PGCKA1: variants seen among roughly 807,000 people sequenced by gnomAD.
The protein encoded by PGCKA1 is PDCD10 and GCKIII kinases-associated protein 1.
At chr4:37,583,600 C>G in the PGCKA1 span, among the ~76,000 whole-genome samples, 1 of 151,970 alleles carries the variant, frequency 6.6e-6, no homozygotes, top group Non-Finnish European at 1.5e-5. Flanking sequence ...CCACGCCCAG[C>G]TAATTTTTTT....
chr4:37,584,366 A>G, the PGCKA1 span: 1 of 152,246 alleles, frequency 6.6e-6, no homozygotes, highest in South Asian at 2.1e-4. Context: ...AGCTCCGGAG[A>G]GGCGCGGAAG....
the PGCKA1 span, among the ~76,000 whole-genome samples, chr4:37,515,261 A>C: frequency 6.6e-6 from 1 of 150,570 alleles, no homozygotes; most frequent in Non-Finnish European, 1.5e-5. Context: ...CCATACTGGC[A>C]CCCTGATCTC....
chr4:37,531,253 C>T, the PGCKA1 span, among the ~76,000 whole-genome samples: 1 of 152,174 alleles, frequency 6.6e-6, no homozygotes, highest in Non-Finnish European at 1.5e-5. Context: ...CTGAGGATTG[C>T]CTCAAAGTCA....
chr4:37,485,169 A>G, the PGCKA1 span, among the ~76,000 whole-genome samples: 2 of 152,210 alleles, frequency 1.3e-5, no homozygotes, highest in Non-Finnish European at 2.9e-5. Flanking sequence ...TCCCAAATGA[A>G]TAACAAACCA....
At chr4:37,518,738 C>T in the PGCKA1 span, among the ~76,000 whole-genome samples, 2 of 151,976 alleles carry the variant, frequency 1.3e-5, no homozygotes, top group Non-Finnish European at 2.9e-5. Context: ...TCACTTTGTT[C>T]GTTGTTTCCT....
the PGCKA1 span, among the ~76,000 whole-genome samples, chr4:37,570,788 T>G: frequency 2.0e-5 from 3 of 152,218 alleles, no homozygotes; most frequent in Admixed American, 2.0e-4. Flanking sequence ...GCAGCCACTT[T>G]AAAAGTTTGT....
chr4:37,590,282 C>A, the PGCKA1 span: 1 of 1,614,076 alleles, frequency 6.2e-7, no homozygotes, highest in South Asian at 1.1e-5. Context: ...CCATGGGAGC[C>A]CTGCTGGCCT....
chr4:37,463,366 G>A, the PGCKA1 span, among the ~76,000 whole-genome samples: 2 of 152,154 alleles, frequency 1.3e-5, no homozygotes. Context: ...AGAGTTAATT[G>A]GCTAGACCGT....
At chr4:37,542,007 T>G in the PGCKA1 span, among the ~76,000 whole-genome samples, 1 of 152,086 alleles carries the variant, frequency 6.6e-6, no homozygotes, top group East Asian at 1.9e-4. Context: ...CTTAATAACC[T>G]CCACCTGGCA....
the PGCKA1 span, among the ~76,000 whole-genome samples, chr4:37,567,332 G>C: frequency 2.3e-4 from 35 of 152,334 alleles, 1 homozygote; most frequent in African/African-American, 7.9e-4. Context: ...AAAACACTCA[G>C]TGGCTAACTG....
chr4:37,568,689 G>C, the PGCKA1 span, among the ~76,000 whole-genome samples: 1 of 152,206 alleles, frequency 6.6e-6, no homozygotes, highest in African/African-American at 2.4e-5. Context: ...CACTGGGCGT[G>C]GTGCCCCACG....
the PGCKA1 span, among the ~76,000 whole-genome samples, chr4:37,582,359 C>T: frequency 6.6e-6 from 1 of 152,130 alleles, no homozygotes; most frequent in East Asian, 1.9e-4. Flanking sequence ...TCTGCCCTTC[C>T]CCAAGAGCAT....
At chr4:37,523,038 C>G in the PGCKA1 span, among the ~76,000 whole-genome samples, 46,372 of 151,934 alleles carry the variant, frequency 0.31, 8,337 homozygotes, top group African/African-American at 0.49. Flanking sequence ...CTCTAATTCA[C>G]CATTAGGACT....
chr4:37,508,296 TC>T, the PGCKA1 span, among the ~76,000 whole-genome samples: 316 of 152,288 alleles, frequency 2.1e-3, 1 homozygote, highest in African/African-American at 7.4e-3. Context: ...ATAACTCTTC[TC>T]CCCTATCTCT....
At chr4:37,462,560 A>T in the PGCKA1 span, among the ~76,000 whole-genome samples, 2 of 152,256 alleles carry the variant, frequency 1.3e-5, no homozygotes, top group African/African-American at 4.8e-5. Flanking sequence ...CTCATTAAAA[A>T]CTGATTTCCT....
At chr4:37,460,482 C>T in the PGCKA1 span, 1 of 432,726 alleles carries the variant, frequency 2.3e-6, no homozygotes, top group Non-Finnish European at 4.6e-6. Context: ...TATTTCTCCA[C>T]AGCCTTGCCA....
chr4:37,494,293 C>T, the PGCKA1 span, among the ~76,000 whole-genome samples: 1 of 152,270 alleles, frequency 6.6e-6, no homozygotes, highest in South Asian at 2.1e-4. Flanking sequence ...CCTGCACCCT[C>T]CAGTAGTCCT....
At chr4:37,561,047 G>A in the PGCKA1 span, among the ~76,000 whole-genome samples, 1 of 152,078 alleles carries the variant, frequency 6.6e-6, no homozygotes, top group African/African-American at 2.4e-5. Flanking sequence ...AGCCCAGCAT[G>A]CACCTCCACT....
At chr4:37,502,760 T>C in the PGCKA1 span, among the ~76,000 whole-genome samples, 1 of 152,052 alleles carries the variant, frequency 6.6e-6, no homozygotes, top group Non-Finnish European at 1.5e-5. Context: ...GGCTGGTGTG[T>C]AGTCATGGGT....
Sources: gnomAD v4.1 joint callset for allele counts (sites outside exome capture counted in the v4.1 genomes callset) on GRCh38, gnomAD v4.1.1 for gene constraint, MANE v1.5 for transcripts, NCBI Gene and HGNC (gene_info 2026-07-23, HGNC 2026-07-21) for gene names.